The following PRELID2 variants were observed in gnomAD, a reference collection of about 807,000 sequenced individuals.
The protein encoded by PRELID2 is PRELI domain-containing protein 2.
A neutral mutation model predicts 28.4 loss-of-function variants in PRELID2; 25 were observed. The ratio of observed to expected loss-of-function variants is 0.88; its 90% CI spans 0.64 to 1.23. PRELID2 has a LOEUF of 1.23. Ranked by LOEUF, PRELID2 falls within the 50% of genes most tolerant of loss-of-function variation. The pLI is 0.00. For missense variants in PRELID2, 201 were observed against 214.4 expected, an observed-to-expected ratio of 0.94 and a Z score of 0.39; for synonymous variants, 76 against 71.6, an observed-to-expected ratio of 1.06 and a Z score of -0.31.
chr5:145,612,577 G>A (rs1561519633), intron 1 of PRELID2, among the ~76,000 whole-genome samples: 1 of 152,092 alleles, frequency 6.6e-6, no homozygotes, highest in Non-Finnish European at 1.5e-5. Context: ...AGTATACACT[G>A]AACTCTATTA....
chr5:145,334,619 C>T, the PRELID2 span, among the ~76,000 whole-genome samples: 1 of 152,150 alleles, frequency 6.6e-6, no homozygotes, highest in South Asian at 2.1e-4. Flanking sequence ...TAATTAGCAT[C>T]TTTTATTATA....
chr5:145,442,996 C>T, the PRELID2 span, among the ~76,000 whole-genome samples: 40 of 152,102 alleles, frequency 2.6e-4, no homozygotes, highest in Non-Finnish European at 3.4e-4. Flanking sequence ...TATGGACAGG[C>T]GCCCCCCATG....
intron 5 of PRELID2, among the ~76,000 whole-genome samples, chr5:145,788,928 C>T (rs1319899140): frequency 1.3e-5 from 2 of 152,034 alleles, no homozygotes; most frequent in Non-Finnish European, 2.9e-5. Context: ...CAAAGAAATA[C>T]TTAGGAATAA....
At chr5:145,230,047 C>T in the PRELID2 span, 1 of 692,448 alleles carries the variant, frequency 1.4e-6, no homozygotes, top group Non-Finnish European at 2.7e-6. Flanking sequence ...AAGTTCACTG[C>T]CAGATAGACC....
At chr5:145,274,626 C>T in the PRELID2 span, among the ~76,000 whole-genome samples, 1 of 151,954 alleles carries the variant, frequency 6.6e-6, no homozygotes, top group African/African-American at 2.4e-5. Context: ...CTAGTAAAGA[C>T]AATAAAAATA....
chr5:145,599,348 T>C (rs145408332), intron 1 of PRELID2, among the ~76,000 whole-genome samples: 186 of 152,332 alleles, frequency 1.2e-3, no homozygotes, highest in African/African-American at 4.3e-3. Context: ...GAAAGAATAA[T>C]CTTGTTGTGT....
chr5:145,393,662 G>T, the PRELID2 span, among the ~76,000 whole-genome samples: 58 of 152,336 alleles, frequency 3.8e-4, 1 homozygote, highest in African/African-American at 1.3e-3. Context: ...AAACTCAGCT[G>T]CTGTGATTGG....
chr5:145,333,325 G>A, the PRELID2 span, among the ~76,000 whole-genome samples: 1 of 152,212 alleles, frequency 6.6e-6, no homozygotes, highest in Non-Finnish European at 1.5e-5. Context: ...GCTCTCTTCA[G>A]AGCCAGCAGG....
At chr5:145,684,389 C>T (rs2149691168) in intron 1 of PRELID2, among the ~76,000 whole-genome samples, 1 of 152,250 alleles carries the variant, frequency 6.6e-6, no homozygotes, top group South Asian at 2.1e-4. Flanking sequence ...CAAATGGATG[C>T]TTTTGTTATC....
Position 145,759,295 on chromosome 5 carries a change from C to T in PRELID2, c.*1241G>A, listed in dbSNP as rs1449417291. ...GGATTACAGGCATAAGCCACCACAC[C>T]CTGCCCTGATTTTTATCTTAAGAAG... is the stretch of plus-strand genomic sequence containing the variant. On this transcript the variant is annotated 3_prime_UTR_variant, in exon 7 of 7. Transcript: ENST00000683046. The T allele has an allele frequency of 6.6e-6, 1 of 152,102 alleles. No individual in the cohort carries two copies. The highest frequency in any genetic ancestry group is 6.5e-5 in the Admixed American group (1 of 15,274). 9.4% of individuals were successfully genotyped at this position (152,102 alleles called of 1,614,324 possible). A position where few individuals can be genotyped will look rare whatever the true frequency, so the allele number is the denominator to read the frequency against.
At chr5:145,733,731 A>T (rs1756414636) in intron 1 of PRELID2, among the ~76,000 whole-genome samples, 1 of 152,330 alleles carries the variant, frequency 6.6e-6, no homozygotes, top group African/African-American at 2.4e-5. Flanking sequence ...GTTCATAAAA[A>T]TATCCTCTGT....
chr5:145,473,842 G>A (rs1190841053), intron 1 of PRELID2, among the ~76,000 whole-genome samples: 1 of 151,970 alleles, frequency 6.6e-6, no homozygotes, highest in East Asian at 1.9e-4. Context: ...TCACCCCTTG[G>A]GATGGCTTCA....
the PRELID2 span, among the ~76,000 whole-genome samples, chr5:145,436,011 GT>G: frequency 6.6e-6 from 1 of 152,090 alleles, no homozygotes; most frequent in Non-Finnish European, 1.5e-5. Flanking sequence ...TGTCACAGGG[GT>G]TTAGTGTACA....
At chr5:145,550,638 AAC>A (rs1752825832) in intron 1 of PRELID2, among the ~76,000 whole-genome samples, 1 of 152,220 alleles carries the variant, frequency 6.6e-6, no homozygotes, top group Admixed American at 6.5e-5. Context: ...TTAAAATATT[AAC>A]ACAATTAATA....
chr5:145,463,409 G>A, the PRELID2 span, among the ~76,000 whole-genome samples: 1 of 144,640 alleles, frequency 6.9e-6, no homozygotes, highest in Non-Finnish European at 1.5e-5. Flanking sequence ...TTTTACAATA[G>A]TTTACCATGT....
intron 1 of PRELID2, among the ~76,000 whole-genome samples, chr5:145,502,454 T>C (rs192675178): frequency 6.6e-5 from 10 of 151,914 alleles, no homozygotes; most frequent in Admixed American, 5.2e-4. Flanking sequence ...TGTATTAAGA[T>C]GAAAGGACAG....
chr5:145,430,445 C>T, the PRELID2 span, among the ~76,000 whole-genome samples: 1 of 152,166 alleles, frequency 6.6e-6, no homozygotes, highest in Non-Finnish European at 1.5e-5. Context: ...CAAGCGGCAC[C>T]TTCATGGAAA....
At chr5:145,291,990 T>C in the PRELID2 span, among the ~76,000 whole-genome samples, 1 of 152,156 alleles carries the variant, frequency 6.6e-6, no homozygotes, top group Admixed American at 6.6e-5. Context: ...CCATATATGA[T>C]ATAATCCATT....
chr5:145,666,374 C>T (rs1754594757), intron 1 of PRELID2, among the ~76,000 whole-genome samples: 1 of 152,054 alleles, frequency 6.6e-6, no homozygotes, highest in Non-Finnish European at 1.5e-5. Flanking sequence ...AAGGGTAAAT[C>T]AACAACTCCA....
Sources: allele counts gnomAD v4.1 joint callset (sites outside exome capture counted in the v4.1 genomes callset), GRCh38; gene constraint gnomAD v4.1.1; transcripts MANE v1.5; gene names NCBI Gene and HGNC (gene_info 2026-07-23, HGNC 2026-07-21).